PPARGC1A: variants seen among roughly 807,000 people sequenced by gnomAD.
PPARGC1A encodes PPARG coactivator 1 alpha, also known as peroxisome proliferator-activated receptor gamma coactivator 1-alpha.
A neutral mutation model predicts 88.7 loss-of-function variants in PPARGC1A; 25 were observed. That is an observed-to-expected ratio of 0.28 (90% CI 0.21 to 0.39). The LOEUF is 0.39. PPARGC1A is among the 10% of genes least tolerant of loss of function. The pLI is 1.00. For synonymous variants in PPARGC1A, 363 were observed against 355.6 expected (o/e 1.02, Z -0.24); for missense variants, 880 against 968.7 (o/e 0.91, Z 1.22).
chr4:24,054,828 T>C, the PPARGC1A span, among the ~76,000 whole-genome samples: 2 of 152,200 alleles, frequency 1.3e-5, no homozygotes, highest in African/African-American at 2.4e-5. Context: ...AAATGAGTAA[T>C]GCTTTTAAGC....
At chr4:24,114,204 G>C in the PPARGC1A span, among the ~76,000 whole-genome samples, 1 of 151,242 alleles carries the variant, frequency 6.6e-6, no homozygotes, top group Admixed American at 6.6e-5. Flanking sequence ...AACAAACCCT[G>C]GGACCACCTA....
At chr4:24,309,791 A>T in the PPARGC1A span, among the ~76,000 whole-genome samples, 3 of 152,198 alleles carry the variant, frequency 2.0e-5, no homozygotes, top group African/African-American at 4.8e-5. Context: ...CTGCTGCGTG[A>T]TGAATAGTTT....
intron 10 of PPARGC1A, among the ~76,000 whole-genome samples, chr4:23,803,659 TA>T (rs1396993407): frequency 6.6e-6 from 1 of 152,158 alleles, no homozygotes; most frequent in Non-Finnish European, 1.5e-5. Context: ...CATAAGGAGT[TA>T]ATATAAAGAA....
At chr4:24,454,641 G>C in the PPARGC1A span, among the ~76,000 whole-genome samples, 1 of 152,034 alleles carries the variant, frequency 6.6e-6, no homozygotes. Context: ...AGGAGGCTGA[G>C]GTGAGAGGAT....
the PPARGC1A span, among the ~76,000 whole-genome samples, chr4:23,928,407 C>T: frequency 6.6e-5 from 10 of 152,208 alleles, no homozygotes; most frequent in South Asian, 6.2e-4. Flanking sequence ...TACCATCTCA[C>T]GCCAGTCAGA....
chr4:23,926,549 A>G, the PPARGC1A span, among the ~76,000 whole-genome samples: 4 of 152,194 alleles, frequency 2.6e-5, no homozygotes, highest in Non-Finnish European at 4.4e-5. Context: ...TGAACATGGC[A>G]GGAAGGTCTT....
At chr4:24,145,782 C>T in the PPARGC1A span, among the ~76,000 whole-genome samples, 6 of 152,268 alleles carry the variant, frequency 3.9e-5, no homozygotes, top group Non-Finnish European at 8.8e-5. Context: ...ATAGTGTGGG[C>T]CTTGTTTATA....
At chr4:24,018,878 C>G in the PPARGC1A span, among the ~76,000 whole-genome samples, 5 of 151,996 alleles carry the variant, frequency 3.3e-5, no homozygotes, top group Non-Finnish European at 7.4e-5. Flanking sequence ...TCAAGTATAG[C>G]ATTGTAAGAA....
At chr4:24,006,362 T>C in the PPARGC1A span, among the ~76,000 whole-genome samples, 7 of 152,152 alleles carry the variant, frequency 4.6e-5, no homozygotes, top group Middle Eastern at 3.2e-3. Flanking sequence ...TTTCTTTCCA[T>C]GGGGAGTTCT....
the PPARGC1A span, among the ~76,000 whole-genome samples, chr4:24,024,934 G>A: frequency 6.6e-6 from 1 of 152,182 alleles, no homozygotes; most frequent in Non-Finnish European, 1.5e-5. Context: ...ACCCTGGCTT[G>A]ATTCCTTAAA....
chr4:24,423,272 G>A, the PPARGC1A span, among the ~76,000 whole-genome samples: 106 of 152,176 alleles, frequency 7.0e-4, no homozygotes, highest in African/African-American at 2.2e-3. Context: ...TCAGTGACCC[G>A]GTTGCCTCCA....
At chr4:24,409,903 A>C in the PPARGC1A span, among the ~76,000 whole-genome samples, 1 of 152,108 alleles carries the variant, frequency 6.6e-6, no homozygotes, top group Non-Finnish European at 1.5e-5. Flanking sequence ...GCTGTGGTCA[A>C]CTCCACAGAG....
the PPARGC1A span, among the ~76,000 whole-genome samples, chr4:24,167,841 C>T: frequency 1.3e-5 from 2 of 152,284 alleles, no homozygotes; most frequent in South Asian, 2.1e-4. Flanking sequence ...GCAACCTCCA[C>T]CCCCTGGGCT....
At chr4:24,170,268 G>C in the PPARGC1A span, among the ~76,000 whole-genome samples, 1 of 152,146 alleles carries the variant, frequency 6.6e-6, no homozygotes, top group East Asian at 1.9e-4. Context: ...GCTCAAGTGT[G>C]TCTATATCCA....
chr4:24,377,624 A>C, the PPARGC1A span, among the ~76,000 whole-genome samples: 1 of 152,176 alleles, frequency 6.6e-6, no homozygotes, highest in African/African-American at 2.4e-5. Context: ...CCGTGAGTTG[A>C]GATGTGTCTG....
At chr4:24,241,712 A>G in the PPARGC1A span, among the ~76,000 whole-genome samples, 2 of 152,358 alleles carry the variant, frequency 1.3e-5, no homozygotes, top group South Asian at 4.1e-4. Context: ...CAAAAATTTC[A>G]GGCCTAAATC....
At chr4:23,971,604 G>A in the PPARGC1A span, among the ~76,000 whole-genome samples, 5 of 152,250 alleles carry the variant, frequency 3.3e-5, no homozygotes, top group South Asian at 4.1e-4. Flanking sequence ...TAGGCTGGGC[G>A]GCTAAGCCAG....
chr4:24,468,255 G>A, the PPARGC1A span, among the ~76,000 whole-genome samples: 3 of 152,220 alleles, frequency 2.0e-5, no homozygotes, highest in Non-Finnish European at 4.4e-5. Flanking sequence ...AACATCAAAA[G>A]ATAAAGCTCG....
upstream of PPARGC1A, among the ~76,000 whole-genome samples, chr4:23,907,741 G>A (rs201070679): frequency 7.6e-6 from 1 of 131,032 alleles, no homozygotes; most frequent in Non-Finnish European, 1.6e-5. Flanking sequence ...TAGTTCGAGT[G>A]GCTCAGCTTC....
Sources: allele counts gnomAD v4.1 joint callset (sites outside exome capture counted in the v4.1 genomes callset), GRCh38; gene constraint gnomAD v4.1.1; transcripts MANE v1.5; gene names NCBI Gene and HGNC (gene_info 2026-07-23, HGNC 2026-07-21).